Variants in TBX15 observed in about 807,000 individuals in gnomAD.
The protein encoded by TBX15 is T-box transcription factor TBX15.
TBX15 carries 18 observed loss-of-function variants against 53.9 expected under a neutral mutation model. The observed-to-expected ratio is 0.33, with a 90% CI of 0.23 to 0.49. The LOEUF (loss-of-function observed/expected upper bound fraction) is 0.49. Among genes scored for constraint, TBX15 ranks in the 20% least tolerant of loss-of-function variants. The pLI is 0.98. For missense variants in TBX15, 692 were observed against 749.5 expected, an observed-to-expected ratio of 0.92 and a Z score of 0.90; for synonymous variants, 295 against 278.0, an observed-to-expected ratio of 1.06 and a Z score of -0.61.
intron 6 of TBX15, among the ~76,000 whole-genome samples, chr1:118,910,420 G>C (rs1490563616): frequency 6.6e-6 from 1 of 152,066 alleles, no homozygotes; most frequent in African/African-American, 2.4e-5. Context: ...TGTTGTTGTT[G>C]TTGTTGTTGT....
In TBX15 at chr1:118,898,904, C is replaced by T. The variant is rs1654518107; in HGVS notation, c.1024+124G>A. On this transcript the variant is annotated intron_variant, in intron 7 of 7. Transcript: ENST00000369429. ...GTTATTTACAGAGCTCCTGAGTTCT[C>T]TTCATTCCAGGAGAATTGGTATAAC... 10 of 999,166 alleles carry T rather than the reference C, an allele frequency of 1.0e-5. 1 individual carries two copies. The highest frequency in any genetic ancestry group is 9.3e-6 in the Non-Finnish European group (6 of 648,530). 61.9% of individuals were successfully genotyped at this position (999,166 alleles called of 1,614,324 possible).
intron 5 of TBX15, among the ~76,000 whole-genome samples, chr1:118,922,085 T>C (rs776560482): frequency 6.6e-6 from 1 of 152,210 alleles, no homozygotes; most frequent in Non-Finnish European, 1.5e-5. Context: ...AAATCATATC[T>C]GCGCAGCCAA....
At chr1:118,987,296 C>T (rs1366433518) in intron 1 of TBX15, among the ~76,000 whole-genome samples, 1 of 152,212 alleles carries the variant, frequency 6.6e-6, no homozygotes, top group Non-Finnish European at 1.5e-5. Context: ...GGACCGGCAG[C>T]CCTTCATCCA....
chr1:118,920,152 C>T (rs926355204), intron 5 of TBX15, among the ~76,000 whole-genome samples: 1 of 152,106 alleles, frequency 6.6e-6, no homozygotes, highest in African/African-American at 2.4e-5. Flanking sequence ...GTGTTTTCTA[C>T]ATCATACTGT....
chr1:118,982,376 C>T (rs1014636019), intron 1 of TBX15, among the ~76,000 whole-genome samples: 3 of 152,168 alleles, frequency 2.0e-5, no homozygotes, highest in African/African-American at 7.2e-5. Context: ...GGCAATAGAA[C>T]GATTGTGATG....
chr1:118,988,947 T>C (rs1296166925), upstream of TBX15, among the ~76,000 whole-genome samples: 1 of 152,238 alleles, frequency 6.6e-6, no homozygotes. Flanking sequence ...CTTCCAGCTC[T>C]ACCTGGTGGA....
At chr1:118,965,289 A>C (rs977553217) in intron 1 of TBX15, among the ~76,000 whole-genome samples, 4 of 152,238 alleles carry the variant, frequency 2.6e-5, no homozygotes, top group Non-Finnish European at 4.4e-5. Context: ...TACTCTACAA[A>C]TCTATAAACT....
intron 5 of TBX15, among the ~76,000 whole-genome samples, chr1:118,918,434 A>C (rs1236857557): frequency 1.3e-5 from 2 of 152,066 alleles, no homozygotes; most frequent in African/African-American, 2.4e-5. Flanking sequence ...ATCTAGACCA[A>C]ACAATGCTCT....
intron 7 of TBX15, among the ~76,000 whole-genome samples, chr1:118,895,763 T>C (rs1463691627): frequency 6.6e-6 from 1 of 151,956 alleles, no homozygotes; most frequent in Non-Finnish European, 1.5e-5. Flanking sequence ...AAAAAAAAAA[T>C]TGACCTATTG....
At chr1:118,924,896 G>C (rs1357370834) in intron 3 of TBX15, 79 bp from the exon 4 acceptor site, 2 of 1,503,806 alleles carry the variant, frequency 1.3e-6, no homozygotes, top group East Asian at 2.3e-5. Context: ...AGTTGAGACA[G>C]GGGAAAGGAG....
At chr1:118,962,874 A>T (rs1004990664) in intron 1 of TBX15, among the ~76,000 whole-genome samples, 8 of 152,348 alleles carry the variant, frequency 5.3e-5, no homozygotes, top group Middle Eastern at 3.4e-3. Flanking sequence ...ATTAAATTAC[A>T]AGTTGGTAGG....
chr1:118,928,413 T>C (rs1212655034), intron 2 of TBX15, among the ~76,000 whole-genome samples: 4 of 152,194 alleles, frequency 2.6e-5, no homozygotes, highest in Admixed American at 6.5e-5. Flanking sequence ...CTAATGAAAT[T>C]TGATGATGGG....
intron 1 of TBX15, among the ~76,000 whole-genome samples, chr1:118,941,504 C>A (rs917063440): frequency 3.3e-5 from 5 of 152,072 alleles, no homozygotes; most frequent in African/African-American, 1.2e-4. Flanking sequence ...TAAAATCTAC[C>A]CAACTCACCA....
chr1:118,987,494 G>T, intron 1 of TBX15, 97 bp downstream of exon 1: 1 of 1,369,154 alleles, frequency 7.3e-7, no homozygotes, highest in Non-Finnish European at 9.7e-7. Flanking sequence ...AAGGCAGGGC[G>T]TCAATGGCAG....
chr1:118,887,872 A>G (rs1268717278), intron 7 of TBX15, among the ~76,000 whole-genome samples: 1 of 152,212 alleles, frequency 6.6e-6, no homozygotes, highest in Non-Finnish European at 1.5e-5. Flanking sequence ...TGGCTATAGA[A>G]GTACAAATTT....
chr1:118,913,506 T>C (rs192573487), intron 6 of TBX15, among the ~76,000 whole-genome samples: 1 of 152,296 alleles, frequency 6.6e-6, no homozygotes, highest in East Asian at 1.9e-4. Context: ...AGGACATTTA[T>C]AGCAGGAGCA....
At chr1:118,931,959 G>A (rs536562071) in intron 1 of TBX15, 127 bp from the exon 2 acceptor site, 12 of 869,492 alleles carry the variant, frequency 1.4e-5, no homozygotes, top group African/African-American at 1.2e-4. Flanking sequence ...ACTTAAAGCT[G>A]GGAAGCTCCA....
intron 1 of TBX15, among the ~76,000 whole-genome samples, chr1:118,953,547 A>G (rs909166078): frequency 2.0e-5 from 3 of 152,230 alleles, no homozygotes; most frequent in African/African-American, 7.2e-5. Context: ...TCATTATTCC[A>G]CAGCTTACAA....
intron 1 of TBX15, among the ~76,000 whole-genome samples, chr1:118,975,533 A>T (rs1264626733): frequency 2.0e-5 from 3 of 152,224 alleles, no homozygotes; most frequent in Admixed American, 6.5e-5. Flanking sequence ...TAAGGATATT[A>T]TTCTGGTGCC....
Sources: allele counts gnomAD v4.1 joint callset (sites outside exome capture counted in the v4.1 genomes callset), GRCh38; gene constraint gnomAD v4.1.1; transcripts MANE v1.5; gene names NCBI Gene and HGNC (gene_info 2026-07-23, HGNC 2026-07-21).